Variants in DLG2 observed in about 807,000 individuals in gnomAD.
DLG2 encodes the protein discs large MAGUK scaffold protein 2.
A neutral mutation model predicts 132.5 loss-of-function variants in DLG2; 45 were observed. The observed-to-expected ratio is 0.34, with a 90% CI of 0.27 to 0.44. The LOEUF is 0.44. DLG2 is among the 20% of genes least tolerant of loss of function. The pLI is 1.00. For missense variants in DLG2, 1,045 were observed against 1,196.9 expected, an observed-to-expected ratio of 0.87 and a Z score of 1.87; for synonymous variants, 424 against 419.6, an observed-to-expected ratio of 1.01 and a Z score of -0.13.
intron 7 of DLG2, among the ~76,000 whole-genome samples, chr11:84,336,079 T>C (rs928134287): frequency 5.3e-5 from 8 of 152,220 alleles, no homozygotes; most frequent in African/African-American, 1.9e-4. Flanking sequence ...TTTCTGATTG[T>C]GAAATTTTGA....
chr11:84,991,986 T>A (rs2154125772), intron 6 of DLG2, among the ~76,000 whole-genome samples: 1 of 152,330 alleles, frequency 6.6e-6, no homozygotes, highest in Admixed American at 6.5e-5. Context: ...TCCCTTATTC[T>A]TTTGTATTCC....
intron 3 of DLG2, among the ~76,000 whole-genome samples, chr11:85,300,302 G>C (rs1273672282): frequency 6.6e-6 from 1 of 152,128 alleles, no homozygotes; most frequent in Non-Finnish European, 1.5e-5. Flanking sequence ...GCAGAGAAAG[G>C]TTTGTTGGTG....
At chr11:83,932,558 T>A (rs117076236) in intron 14 of DLG2, among the ~76,000 whole-genome samples, 2,522 of 152,248 alleles carry the variant, frequency 0.017, 43 homozygotes, top group East Asian at 0.064. Context: ...ATTACAGCGC[T>A]AGGATTCTGT....
At chr11:84,364,325 G>A (rs903848898) in intron 7 of DLG2, among the ~76,000 whole-genome samples, 1 of 152,108 alleles carries the variant, frequency 6.6e-6, no homozygotes, top group African/African-American at 2.4e-5. Flanking sequence ...TGTTATTTGT[G>A]TATAAGAATG....
chr11:85,022,552 C>T (rs181670410), intron 6 of DLG2, among the ~76,000 whole-genome samples: 2 of 151,994 alleles, frequency 1.3e-5, no homozygotes, highest in Non-Finnish European at 2.9e-5. Flanking sequence ...GGTTTGGATG[C>T]AAGCTATACT....
intron 3 of DLG2, among the ~76,000 whole-genome samples, chr11:85,588,645 CTTAA>C (rs1396423847): frequency 1.3e-5 from 2 of 152,042 alleles, no homozygotes; most frequent in Non-Finnish European, 2.9e-5. Flanking sequence ...CCTTGAGTAA[CTTAA>C]TTATCAACCT....
chr11:84,002,380 C>T lies in DLG2; in HGVS notation c.920-21738G>A, dbSNP rs559453426. ...GGGACTCTGTGTGGGGGTGCCCACCCGACATTTCCCTTCCCTATTGCCCTA... is the reference window on the plus strand; with the variant it reads ...GGGACTCTGTGTGGGGGTGCCCACCTGACATTTCCCTTCCCTATTGCCCTA... On this transcript the variant is annotated intron_variant, in intron 11 of 27. Coordinates refer to ENST00000376104, the MANE Select transcript of DLG2 (RefSeq NM_001142699.3). 1.1e-4 allele frequency among the ~76,000 whole-genome samples: 16 copies of T among 152,246 alleles called. No individual in the cohort carries two copies. The East Asian group carries it at 1.4e-3, about 13-fold the overall frequency.
chr11:83,891,052 G>A (rs1382989833), intron 15 of DLG2, among the ~76,000 whole-genome samples: 1 of 152,122 alleles, frequency 6.6e-6, no homozygotes, highest in Non-Finnish European at 1.5e-5. Flanking sequence ...TGCCATCAAG[G>A]TAGAGATATC....
At chr11:83,707,725 G>T (rs1314205908) in intron 18 of DLG2, among the ~76,000 whole-genome samples, 1 of 152,180 alleles carries the variant, frequency 6.6e-6, no homozygotes, top group African/African-American at 2.4e-5. Flanking sequence ...AGTGCACAAT[G>T]CTTTTGAGAT....
intron 16 of DLG2, among the ~76,000 whole-genome samples, chr11:83,848,972 T>C (rs1490286810): frequency 2.0e-5 from 3 of 152,198 alleles, no homozygotes; most frequent in Non-Finnish European, 4.4e-5. Context: ...CACTTAAAAA[T>C]AGATACAGAT....
At chr11:84,508,498 G>A (rs2099248518) in intron 7 of DLG2, among the ~76,000 whole-genome samples, 2 of 151,262 alleles carry the variant, frequency 1.3e-5, no homozygotes, top group South Asian at 4.2e-4. Flanking sequence ...CGTCTCCCGG[G>A]TTCAAGCCAT....
intron 14 of DLG2, among the ~76,000 whole-genome samples, chr11:83,942,715 AT>A (rs997502932): frequency 7.3e-5 from 11 of 151,694 alleles, no homozygotes; most frequent in South Asian, 6.2e-4. Context: ...ATTTCCTTAA[AT>A]TTTTTTTTGT....
At chr11:84,558,572 G>A (rs761310168) in intron 6 of DLG2, among the ~76,000 whole-genome samples, 4 of 151,990 alleles carry the variant, frequency 2.6e-5, no homozygotes, top group Non-Finnish European at 4.4e-5. Context: ...TCCTAATCCT[G>A]CCATCCAAGA....
chr11:83,788,578 A>C (rs2040650711), intron 17 of DLG2, among the ~76,000 whole-genome samples: 1 of 152,258 alleles, frequency 6.6e-6, no homozygotes, highest in South Asian at 2.1e-4. Flanking sequence ...GAGACTGTCT[A>C]GGCTATTGAT....
chr11:84,268,419 C>T (rs2097673127), intron 7 of DLG2, among the ~76,000 whole-genome samples: 1 of 150,720 alleles, frequency 6.6e-6, no homozygotes, highest in Admixed American at 6.6e-5. Flanking sequence ...ACCAGTCATT[C>T]CATTTATTAA....
intron 6 of DLG2, among the ~76,000 whole-genome samples, chr11:84,785,391 G>A (rs1565956284): frequency 6.6e-6 from 1 of 151,938 alleles, no homozygotes; most frequent in African/African-American, 2.4e-5. Flanking sequence ...AATATTTTAC[G>A]CAAGACTCCT....
At chr11:85,374,932 G>A (rs767024166) in intron 3 of DLG2, among the ~76,000 whole-genome samples, 11 of 151,986 alleles carry the variant, frequency 7.2e-5, no homozygotes, top group African/African-American at 1.4e-4. Flanking sequence ...GAAATGTTAC[G>A]ATACTTGCAA....
chr11:83,963,163 G>A, intron 13 of DLG2, 140 bp from the exon 14 acceptor site: 1 of 836,254 alleles, frequency 1.2e-6, no homozygotes, highest in Non-Finnish European at 1.9e-6. Flanking sequence ...AGAGGGGGGA[G>A]TTGCAGCTTA....
intron 3 of DLG2, among the ~76,000 whole-genome samples, chr11:85,408,681 ATG>A (rs1267333964): frequency 6.6e-6 from 1 of 151,508 alleles, no homozygotes; most frequent in Non-Finnish European, 1.5e-5. Context: ...TTTACTGAGA[ATG>A]ATGATTTCCA....
Sources: allele counts gnomAD v4.1 joint callset (sites outside exome capture counted in the v4.1 genomes callset), GRCh38; gene constraint gnomAD v4.1.1; transcripts MANE v1.5; gene names NCBI Gene and HGNC (gene_info 2026-07-23, HGNC 2026-07-21).